PHACTR1: variants seen among roughly 807,000 people sequenced by gnomAD.
PHACTR1 encodes the protein phosphatase and actin regulator 1.
Under a neutral mutation model 69.2 loss-of-function variants are expected in PHACTR1, and 16 were observed. The ratio of observed to expected loss-of-function variants is 0.23; its 90% CI spans 0.16 to 0.35. The LOEUF (loss-of-function observed/expected upper bound fraction) is 0.35. Among genes scored for constraint, PHACTR1 ranks in the 10% least tolerant of loss-of-function variants. The pLI is 1.00. For missense variants in PHACTR1, 510 were observed against 734.7 expected (o/e 0.69, Z 3.54); for synonymous variants, 312 against 284.5 (o/e 1.10, Z -0.97).
rs1294390640 is a variant in PHACTR1 at position 13,014,851 on chromosome 6, A to C, written c.251-38514A>C. Among the ~76,000 whole-genome samples the C allele has an allele frequency of 2.6e-5, 4 of 152,338 alleles. No homozygotes were observed. The East Asian group carries it at 7.7e-4, about 29-fold the overall frequency. On this transcript the variant is annotated intron_variant, in intron 4 of 14. Coordinates refer to ENST00000332995, the MANE Select transcript of PHACTR1 (RefSeq NM_030948.6). ...TGCCGGGCTGCCAGCGACTCTGGGC[A>C]GGAGGAGCCCAGAGCGAGGGACCGC...
At chr6:13,049,051 CATA>C (rs1200855882) in intron 4 of PHACTR1, among the ~76,000 whole-genome samples, 8 of 152,180 alleles carry the variant, frequency 5.3e-5, no homozygotes, top group East Asian at 1.9e-4. Flanking sequence ...TCATGAATTT[CATA>C]ATAATACTTA....
intron 4 of PHACTR1, among the ~76,000 whole-genome samples, chr6:12,789,077 C>T (rs1011537173): frequency 2.0e-5 from 3 of 152,162 alleles, no homozygotes; most frequent in Admixed American, 6.5e-5. Flanking sequence ...GTCAGTTTTG[C>T]GCACAATGCC....
chr6:12,872,421 A>G (rs1217996411), intron 4 of PHACTR1, among the ~76,000 whole-genome samples: 2 of 152,094 alleles, frequency 1.3e-5, no homozygotes, highest in African/African-American at 4.8e-5. Flanking sequence ...AAACTTAAGA[A>G]AGGGATAATA....
chr6:12,975,887 A>C (rs1794814958), intron 4 of PHACTR1, among the ~76,000 whole-genome samples: 1 of 152,196 alleles, frequency 6.6e-6, no homozygotes, highest in African/African-American at 2.4e-5. Context: ...GGTAGGCTGA[A>C]TCTTTCTTTA....
intron 7 of PHACTR1, among the ~76,000 whole-genome samples, chr6:13,183,899 C>CA (rs770480201): frequency 1.3e-5 from 2 of 152,186 alleles, no homozygotes; most frequent in Non-Finnish European, 2.9e-5. Flanking sequence ...AGGTGTGTGC[C>CA]ACCACCCAAT....
intron 4 of PHACTR1, among the ~76,000 whole-genome samples, chr6:12,855,099 A>G (rs1485411759): frequency 6.6e-6 from 1 of 152,272 alleles, no homozygotes; most frequent in Non-Finnish European, 1.5e-5. Context: ...TATTTATCAT[A>G]ACATTACTCA....
intron 3 of PHACTR1, 44 bp from the exon 4 acceptor site, chr6:12,749,600 C>T (rs1561846615): frequency 1.3e-6 from 2 of 1,492,308 alleles, no homozygotes; most frequent in Non-Finnish European, 1.8e-6. Flanking sequence ...CCTCCTCCCC[C>T]TTCCGCCTCT....
At chr6:12,798,554 A>G (rs1229659571) in intron 4 of PHACTR1, among the ~76,000 whole-genome samples, 1 of 152,234 alleles carries the variant, frequency 6.6e-6, no homozygotes, top group Non-Finnish European at 1.5e-5. Flanking sequence ...GGACTGAGTA[A>G]CAAATGACCA....
chr6:13,115,434 T>G (rs1425446180), intron 5 of PHACTR1, among the ~76,000 whole-genome samples: 1 of 152,196 alleles, frequency 6.6e-6, no homozygotes, highest in African/African-American at 2.4e-5. Flanking sequence ...TCATTGCACT[T>G]GATTCTGCCT....
rs1042975841 is a variant in PHACTR1, at chr6:13,046,174, G to T, written c.251-7191G>T. Among the ~76,000 whole-genome samples the T allele has an allele frequency of 2.6e-5, 4 of 152,134 alleles. No individual in the cohort carries two copies. The South Asian group carries it at 8.3e-4, about 32-fold the overall frequency. On this transcript the variant is annotated intron_variant, in intron 4 of 14. Transcript: ENST00000332995. ...GCATCTGGGGTGTGGGTGTTGTTTTGTGTGGAATGTAAGTGGCGTTTCCTC... is the reference window on the plus strand; with the variant it reads ...GCATCTGGGGTGTGGGTGTTGTTTTTTGTGGAATGTAAGTGGCGTTTCCTC...
At chr6:12,769,824 T>A (rs1769151693) in intron 4 of PHACTR1, among the ~76,000 whole-genome samples, 1 of 152,202 alleles carries the variant, frequency 6.6e-6, no homozygotes, top group South Asian at 2.1e-4. Flanking sequence ...TCTGTACAGA[T>A]AGATCTGTGT....
At chr6:13,026,422 C>T (rs946118249) in intron 4 of PHACTR1, among the ~76,000 whole-genome samples, 4 of 152,078 alleles carry the variant, frequency 2.6e-5, no homozygotes, top group Non-Finnish European at 4.4e-5. Flanking sequence ...TTCTTGCAAA[C>T]GGGGCCCAGG....
chr6:13,238,774 G>C (rs2127365630), intron 10 of PHACTR1, among the ~76,000 whole-genome samples: 1 of 152,218 alleles, frequency 6.6e-6, no homozygotes, highest in South Asian at 2.1e-4. Context: ...GTGTGAGCTG[G>C]CATCTCCCCT....
At chr6:13,180,919 G>A (rs1370673957) in intron 6 of PHACTR1, among the ~76,000 whole-genome samples, 2 of 151,528 alleles carry the variant, frequency 1.3e-5, no homozygotes, top group African/African-American at 2.4e-5. Flanking sequence ...TTATTAATTA[G>A]TAATCATCAT....
intron 5 of PHACTR1, among the ~76,000 whole-genome samples, chr6:13,111,522 A>G (rs1310598077): frequency 3.9e-5 from 6 of 152,174 alleles, no homozygotes; most frequent in African/African-American, 9.7e-5. Flanking sequence ...TTTTAGTCCT[A>G]TTGCTCAAAA....
intron 5 of PHACTR1, among the ~76,000 whole-genome samples, chr6:13,084,392 A>T (rs1391869776): frequency 9.8e-6 from 1 of 101,620 alleles, no homozygotes; most frequent in Non-Finnish European, 2.0e-5. Context: ...GGGAGGGGGG[A>T]GGGATAGCAT....
At chr6:13,286,326 C>A in intron 14 of PHACTR1, 104 bp downstream of exon 14, 2 of 926,198 alleles carry the variant, frequency 2.2e-6, no homozygotes, top group South Asian at 1.9e-5. Flanking sequence ...TTGGAGGGTG[C>A]CATGAGAGGG....
chr6:12,898,641 C>T (rs1784911110), intron 4 of PHACTR1, among the ~76,000 whole-genome samples: 1 of 152,224 alleles, frequency 6.6e-6, no homozygotes, highest in South Asian at 2.1e-4. Context: ...CTGGGACCAC[C>T]TTGGCCAGCT....
At chr6:13,065,356 T>C (rs1808465848) in intron 5 of PHACTR1, among the ~76,000 whole-genome samples, 1 of 151,090 alleles carries the variant, frequency 6.6e-6, no homozygotes, top group African/African-American at 2.4e-5. Context: ...CACTGGAGTT[T>C]GGAGGAAAAC....
Sources: gnomAD v4.1 joint callset for allele counts (sites outside exome capture counted in the v4.1 genomes callset) on GRCh38, gnomAD v4.1.1 for gene constraint, MANE v1.5 for transcripts, NCBI Gene and HGNC (gene_info 2026-07-23, HGNC 2026-07-21) for gene names.